The following ST7 variants were observed in gnomAD, a reference collection of about 807,000 sequenced individuals.
The protein encoded by ST7 is suppression of tumorigenicity 7, also known as suppressor of tumorigenicity 7 protein.
A neutral mutation model predicts 78.7 loss-of-function variants in ST7; 28 were observed. That is an observed-to-expected ratio of 0.36 (90% confidence interval 0.26 to 0.49). The LOEUF (loss-of-function observed/expected upper bound fraction) is 0.49, where lower values mean the gene tolerates loss of function less well. ST7 is among the 20% of genes least tolerant of loss of function. The probability of loss-of-function intolerance (pLI) is 0.99; values close to 1 mark genes in which losing one functional copy is unlikely to be tolerated. For synonymous variants in ST7, 247 were observed against 249.6 expected (o/e 0.99, Z 0.10); for missense variants, 418 against 696.0 (o/e 0.60, Z 4.49).
chr7:117,098,879 T>C lies in ST7; in HGVS notation c.152-883T>C, dbSNP rs1381402294. On this transcript the variant is annotated intron_variant, in intron 1 of 15. Coordinates refer to ENST00000323984, the MANE Select transcript of ST7 (RefSeq NM_001369598.1). Reference sequence around the variant, plus strand: ...TGTAGTATCTAGATATAAATAACAATGACTTAAAATATATGTATAAAATAC... The same window carrying C: ...TGTAGTATCTAGATATAAATAACAACGACTTAAAATATATGTATAAAATAC... 4 of 1,242,406 alleles carry C rather than the reference T, an allele frequency of 3.2e-6. No homozygotes were observed. The African/African-American group carries it at 6.2e-5, about 19-fold the overall frequency. The allele number at this position is 1,242,406 out of a possible 1,614,324, so 77.0% of individuals were successfully genotyped here.
chr7:117,205,213 T>A (rs2115959096), intron 12 of ST7, among the ~76,000 whole-genome samples: 1 of 152,306 alleles, frequency 6.6e-6, no homozygotes, highest in Middle Eastern at 3.4e-3. Flanking sequence ...ATACCTTTTT[T>A]TGTCAAAATA....
intron 9 of ST7, among the ~76,000 whole-genome samples, chr7:117,154,828 G>C (rs1806562543): frequency 1.3e-5 from 2 of 152,168 alleles, no homozygotes; most frequent in African/African-American, 4.8e-5. Flanking sequence ...GGAATGAAAA[G>C]ATGTGAGGAA....
chr7:117,012,466 A>G (rs186207957), intron 1 of ST7, among the ~76,000 whole-genome samples: 1 of 152,134 alleles, frequency 6.6e-6, no homozygotes, highest in East Asian at 1.9e-4. Context: ...AATACCTCCT[A>G]GGGTCGTTTT....
chr7:117,150,775 A>G (rs926219851), intron 9 of ST7, among the ~76,000 whole-genome samples: 2 of 152,204 alleles, frequency 1.3e-5, no homozygotes, highest in Admixed American at 6.5e-5. Context: ...CCTACCTGAC[A>G]TCATTACTTA....
At chr7:117,221,261 T>C (rs941385461) in intron 14 of ST7, among the ~76,000 whole-genome samples, 3 of 152,218 alleles carry the variant, frequency 2.0e-5, no homozygotes, top group Admixed American at 2.0e-4. Context: ...TTTTTGATGA[T>C]TGTTGGAAGT....
intron 1 of ST7, among the ~76,000 whole-genome samples, chr7:117,004,992 T>A (rs1795098017): frequency 1.3e-5 from 2 of 152,230 alleles, no homozygotes; most frequent in South Asian, 2.1e-4. Context: ...TAGCTATTTT[T>A]AAAATATGGC....
At chr7:117,165,526 G>A (rs1191338738) in intron 9 of ST7, among the ~76,000 whole-genome samples, 3 of 152,066 alleles carry the variant, frequency 2.0e-5, no homozygotes, top group African/African-American at 7.2e-5. Context: ...ATTATAATAC[G>A]TACTCCAAAG....
At chr7:117,078,924 G>C (rs1799552087) in intron 1 of ST7, among the ~76,000 whole-genome samples, 1 of 152,082 alleles carries the variant, frequency 6.6e-6, no homozygotes, top group Non-Finnish European at 1.5e-5. Context: ...CAGAGTTGTT[G>C]GTTTCCTAAG....
intron 9 of ST7, among the ~76,000 whole-genome samples, chr7:117,139,245 C>T (rs916302743): frequency 1.3e-5 from 2 of 152,134 alleles, no homozygotes; most frequent in Non-Finnish European, 2.9e-5. Context: ...CATAAAGAAA[C>T]TGACACCAGT....
chr7:117,110,358 C>G (rs1409713115), intron 2 of ST7, among the ~76,000 whole-genome samples: 2 of 152,180 alleles, frequency 1.3e-5, no homozygotes, highest in Non-Finnish European at 2.9e-5. Context: ...TCACTGAAGA[C>G]TGTTACCTAC....
intron 15 of ST7, chr7:117,222,747 G>A: frequency 1.2e-6 from 1 of 832,290 alleles, no homozygotes; most frequent in Non-Finnish European, 2.0e-6. Flanking sequence ...TCAAACAGAA[G>A]GAATAAGGAA....
intron 10 of ST7, chr7:117,182,610 G>T (rs1283610589): frequency 6.6e-6 from 1 of 152,094 alleles, no homozygotes; most frequent in Admixed American, 6.6e-5. Context: ...TTGGAGGTGG[G>T]GGGTATTGTT....
intron 1 of ST7, chr7:116,959,925 CA>C (rs1240917093): frequency 6.5e-6 from 1 of 153,256 alleles, no homozygotes; most frequent in Non-Finnish European, 1.5e-5. Flanking sequence ...TCATTGAGTG[CA>C]AAGTGTAGCA....
intron 2 of ST7, among the ~76,000 whole-genome samples, chr7:117,115,175 A>G (rs1802760464): frequency 2.0e-5 from 3 of 152,012 alleles, no homozygotes; most frequent in Admixed American, 6.6e-5. Flanking sequence ...CCCAGAAGAT[A>G]TACCTAACCT....
intron 1 of ST7, among the ~76,000 whole-genome samples, chr7:117,018,033 C>T (rs1010556833): frequency 2.6e-5 from 4 of 152,068 alleles, no homozygotes; most frequent in African/African-American, 9.7e-5. Context: ...AATATAGGCC[C>T]TCAGAAAAAT....
At chr7:116,974,349 G>T (rs552104512) in intron 1 of ST7, among the ~76,000 whole-genome samples, 1 of 151,162 alleles carries the variant, frequency 6.6e-6, no homozygotes, top group South Asian at 2.1e-4. Context: ...GTGCAGTGGC[G>T]TGATCTCGGC....
intron 1 of ST7, among the ~76,000 whole-genome samples, chr7:116,961,595 G>A (rs1189900131): frequency 3.2e-5 from 4 of 123,598 alleles, no homozygotes; most frequent in Admixed American, 3.2e-4. Context: ...TGTGTGTGTG[G>A]TGGGGGGCAA....
chr7:117,047,343 AG>A (rs1476287970), intron 1 of ST7, among the ~76,000 whole-genome samples: 11 of 152,196 alleles, frequency 7.2e-5, no homozygotes, highest in Non-Finnish European at 4.4e-5. Flanking sequence ...GTGTTTCTTC[AG>A]AACGACTTAA....
At chr7:116,998,266 C>T (rs1041290277) in intron 1 of ST7, among the ~76,000 whole-genome samples, 4 of 152,208 alleles carry the variant, frequency 2.6e-5, no homozygotes, top group Non-Finnish European at 5.9e-5. Flanking sequence ...TGCCCTGGGC[C>T]GGCAGCGCCG....
Sources: allele counts gnomAD v4.1 joint callset (sites outside exome capture counted in the v4.1 genomes callset), GRCh38; gene constraint gnomAD v4.1.1; transcripts MANE v1.5; gene names NCBI Gene and HGNC (gene_info 2026-07-23, HGNC 2026-07-21).